TTLL9: variants seen among roughly 807,000 people sequenced by gnomAD.
The protein encoded by TTLL9 is tubulin tyrosine ligase like 9.
TTLL9 carries 47 observed loss-of-function variants against 65.6 expected under a neutral mutation model. The observed-to-expected ratio is 0.72, with a 90% confidence interval of 0.57 to 0.91. The LOEUF (loss-of-function observed/expected upper bound fraction) is 0.91, where lower values mean the gene tolerates loss of function less well. Among genes scored for constraint, TTLL9 ranks in the 40% least tolerant of loss-of-function variants. The pLI, the probability that TTLL9 is intolerant of heterozygous loss-of-function variation, is 0.00. For missense variants in TTLL9, 537 were observed against 568.8 expected, an observed-to-expected ratio of 0.94 and a Z score of 0.57; for synonymous variants, 179 against 204.8, an observed-to-expected ratio of 0.87 and a Z score of 1.07.
At chr20:31,899,266 T>C (rs2063435322) in intron 4 of TTLL9, among the ~76,000 whole-genome samples, 1 of 152,208 alleles carries the variant, frequency 6.6e-6, no homozygotes, top group Non-Finnish European at 1.5e-5. Flanking sequence ...AGGTCCTTGT[T>C]TTTCATAGTC....
intron 4 of TTLL9, among the ~76,000 whole-genome samples, chr20:31,901,085 G>T (rs927125582): frequency 1.3e-5 from 2 of 152,200 alleles, no homozygotes; most frequent in African/African-American, 4.8e-5. Flanking sequence ...ACAGAATCAG[G>T]TCTCAGTTCA....
chr20:31,883,328 G>A (rs62206288), intron 2 of TTLL9, among the ~76,000 whole-genome samples: 17,002 of 151,796 alleles, frequency 0.11, 1,051 homozygotes, highest in Middle Eastern at 0.23. Flanking sequence ...CTCCCAAGTA[G>A]CTGGGATTAC....
chr20:31,933,658 A>G, intron 10 of TTLL9, 142 bp from the exon 11 acceptor site: 1 of 709,254 alleles, frequency 1.4e-6, no homozygotes, highest in Non-Finnish European at 2.2e-6. Context: ...ATCCAGGCCC[A>G]TCTGACTCCA....
At chr20:31,941,267 T>G (rs768057938) in intron 14 of TTLL9, 6 of 151,008 alleles carry the variant, frequency 4.0e-5, no homozygotes, top group Non-Finnish European at 8.8e-5. Context: ...CACCTTTTGA[T>G]GAGAGGAGCA....
chr20:31,944,474 G>A lies in TTLL9; in HGVS notation c.*1453G>A, dbSNP rs2064282409. ...CCCACCTGTGCGCCCCAACCCTGCAGGTGCTGTTCTGAGGGAATCACACTG... is the reference window on the plus strand; with the variant it reads ...CCCACCTGTGCGCCCCAACCCTGCAAGTGCTGTTCTGAGGGAATCACACTG... On this transcript the variant is annotated 3_prime_UTR_variant, in exon 15 of 15. Transcript: ENST00000535842. 2 of 152,872 alleles carry A rather than the reference G, an allele frequency of 1.3e-5. No individual in the cohort carries two copies. The highest frequency in any genetic ancestry group is 1.5e-5 in the Non-Finnish European group (1 of 68,518). 9.5% of individuals were successfully genotyped at this position (152,872 alleles called of 1,614,324 possible).
In TTLL9 at chr20:31,934,806, A is replaced by T. The variant is rs1395698573; in HGVS notation, c.922A>T (p.Ser308Cys). ...IDNIFVKSLQSVQKVIISDKH... is the reference protein window; with the variant it reads ...IDNIFVKSLQCVQKVIISDKH... ...CAACATCTTTGTCAAAAGCCTGCAGAGTGTGCAGAAGGTGATCATCAGTGA... is the reference window on the plus strand; with the variant it reads ...CAACATCTTTGTCAAAAGCCTGCAGTGTGTGCAGAAGGTGATCATCAGTGA... Residue 308 changes from serine (S) to cysteine (C), a missense_variant, in exon 12 of 15, where the codon AGT becomes TGT. This residue lies in a region of TTLL9 where 205 missense variants were observed against 225.9 expected (regional missense o/e 0.91). Coordinates refer to ENST00000535842, the MANE Select transcript of TTLL9 (RefSeq NM_001008409.5). 47 of 1,613,906 alleles carry T rather than the reference A, an allele frequency of 2.9e-5. No homozygotes were observed. The highest frequency in any genetic ancestry group is 3.5e-5 in the Non-Finnish European group (41 of 1,180,036).
chr20:31,901,642 T>C (rs1190495399), intron 4 of TTLL9, among the ~76,000 whole-genome samples: 3 of 152,242 alleles, frequency 2.0e-5, no homozygotes, highest in Admixed American at 6.5e-5. Flanking sequence ...CTTTTCTTAG[T>C]GTTCTTGAAC....
chr20:31,902,736 A>T (rs1427532742), intron 4 of TTLL9, among the ~76,000 whole-genome samples: 3 of 152,092 alleles, frequency 2.0e-5, no homozygotes, highest in African/African-American at 7.2e-5. Flanking sequence ...TGATAACTCT[A>T]TGTTTAACTT....
chr20:31,927,480 CAAA>C (rs777895091), intron 10 of TTLL9, among the ~76,000 whole-genome samples: 18 of 54,194 alleles, frequency 3.3e-4, no homozygotes, highest in African/African-American at 1.2e-3. Flanking sequence ...GACTCTGTCT[CAAA>C]AAAAAAAAAA....
At chr20:31,934,252 G>C in intron 11 of TTLL9, 1 of 499,112 alleles carries the variant, frequency 2.0e-6, no homozygotes, top group South Asian at 1.5e-5. Context: ...TCAGAGTCAA[G>C]GGCCAGATCA....
In TTLL9 at chr20:31,937,433, G is replaced by T; in HGVS notation, c.1042G>T (p.Ala348Ser). Reference sequence around the variant, plus strand: ...GGTCAATGCGTCCCCATCACTGACAGCCAGCAGCCAGGAAGACTATGAGCT... The same window carrying T: ...GGTCAATGCGTCCCCATCACTGACATCCAGCAGCCAGGAAGACTATGAGCT... ...LEVNASPSLT[A>S]SSQEDYELKT... Residue 348 changes from alanine to serine, a missense_variant, in exon 13 of 15, where the codon GCC becomes TCC. This residue lies in a region of TTLL9 where 205 missense variants were observed against 225.9 expected (regional missense o/e 0.91). Coordinates refer to ENST00000535842, the MANE Select transcript of TTLL9 (RefSeq NM_001008409.5). The T allele has an allele frequency of 6.2e-7, 1 of 1,613,814 alleles. No individual in the cohort carries two copies. The highest frequency in any genetic ancestry group is 8.5e-7 in the Non-Finnish European group (1 of 1,179,860).
intron 4 of TTLL9, among the ~76,000 whole-genome samples, chr20:31,902,211 C>T (rs1327657722): frequency 6.6e-6 from 1 of 152,130 alleles, no homozygotes; most frequent in African/African-American, 2.4e-5. Context: ...GCAGTCATTC[C>T]CATTTCTCCC....
intron 6 of TTLL9, among the ~76,000 whole-genome samples, chr20:31,918,805 ACATTTGGCTGCCCCTGAGCCAC>A (rs2063774509): frequency 6.6e-6 from 1 of 152,204 alleles, no homozygotes; most frequent in Non-Finnish European, 1.5e-5. Context: ...ATTGCTGTGC[ACATTTGGCTGCCCCTGAGCCAC>A]CACCAGTGCT....
At chr20:31,933,222 G>A (rs1364291674) in intron 10 of TTLL9, among the ~76,000 whole-genome samples, 8 of 152,146 alleles carry the variant, frequency 5.3e-5, no homozygotes, top group Non-Finnish European at 8.8e-5. Context: ...CGATGGTGAT[G>A]GTACTGAGAG....
intron 6 of TTLL9, among the ~76,000 whole-genome samples, chr20:31,910,201 C>T (rs1229238245): frequency 3.3e-5 from 5 of 152,216 alleles, no homozygotes; most frequent in African/African-American, 1.2e-4. Context: ...AAGTGCTTTA[C>T]CTGCGTTACC....
intron 13 of TTLL9, among the ~76,000 whole-genome samples, chr20:31,938,607 G>A (rs2064155640): frequency 6.6e-6 from 1 of 152,220 alleles, no homozygotes; most frequent in Non-Finnish European, 1.5e-5. Flanking sequence ...GCCGGGGGTG[G>A]TGGCTCACGC....
At chr20:31,879,819 C>T in intron 2 of TTLL9, 1 of 1,548,470 alleles carries the variant, frequency 6.5e-7, no homozygotes, top group South Asian at 1.2e-5. Flanking sequence ...GCCTTGGCAA[C>T]GGGACGCATA....
At position 31,870,689 on chromosome 20, in the gene TTLL9, G is replaced by A. The variant is rs2062907163; in HGVS notation, c.-266G>A. On this transcript the variant is annotated 5_prime_UTR_variant, in exon 1 of 15. Coordinates refer to ENST00000535842, the MANE Select transcript of TTLL9 (RefSeq NM_001008409.5). This position sits in a 1 kb window ranked among gnomAD's most constrained non-coding sequence, Gnocchi z 6.6. ...CGGCAGTTTGTTGGGGCCGCGTGGG[G>A]CCGCCACCTCCGGAGGTGGGGGCGG... The A allele has an allele frequency of 3.1e-6, 3 of 980,300 alleles. No homozygotes were observed. The highest frequency in any genetic ancestry group is 4.0e-6 in the Non-Finnish European group (3 of 743,272). 60.7% of individuals were successfully genotyped at this position (980,300 alleles called of 1,614,324 possible).
At chr20:31,904,179 G>C (rs1239637935) in intron 4 of TTLL9, among the ~76,000 whole-genome samples, 1 of 152,140 alleles carries the variant, frequency 6.6e-6, no homozygotes, top group South Asian at 2.1e-4. Flanking sequence ...TATCACTGGT[G>C]ACAGTACCTT....
Sources: allele counts gnomAD v4.1 joint callset (sites outside exome capture counted in the v4.1 genomes callset), GRCh38; gene constraint gnomAD v4.1.1; regional missense constraint gnomAD v4.1.1; non-coding constraint Gnocchi (gnomAD v3.1); transcripts MANE v1.5; gene names NCBI Gene and HGNC (gene_info 2026-07-23, HGNC 2026-07-21).